The following GRK2 variants were observed in gnomAD, a reference collection of about 807,000 sequenced individuals.
The protein encoded by GRK2 is G protein-coupled receptor kinase 2, also known as adrenergic beta receptor kinase 1.
Under a neutral mutation model 97.8 loss-of-function variants are expected in GRK2, and 23 were observed. The ratio of observed to expected loss-of-function variants is 0.24; its 90% confidence interval spans 0.17 to 0.33. The LOEUF is 0.33. GRK2 is among the 10% of genes least tolerant of loss of function. GRK2 has a pLI of 1.00. For synonymous variants in GRK2, 425 were observed against 381.7 expected (o/e 1.11, Z -1.32); for missense variants, 633 against 956.9 (o/e 0.66, Z 4.47).
intron 1 of GRK2, 26 bp downstream of exon 1, chr11:67,266,838 G>C: frequency 8.6e-7 from 1 of 1,159,206 alleles, no homozygotes; most frequent in South Asian, 3.2e-5. Flanking sequence ...CCGCGGCCCC[G>C]GCCCGACCCC....
In GRK2 at chr11:67,266,737, A is replaced by C; in HGVS notation, c.38A>C (p.Tyr13Ser). 7.4e-7 allele frequency: 1 copy of C among 1,360,094 alleles called. No homozygotes were observed. Among genetic ancestry groups the C allele is most frequent in the East Asian group, 3.3e-5 (1 of 30,058 alleles). The allele number at this position is 1,360,094 out of a possible 1,614,324, so 84.3% of individuals were successfully genotyped here. The change falls in exon 1 of 21, where the codon TAC becomes TCC. Residue 13 changes from tyrosine to serine, a missense_variant. Coordinates refer to ENST00000308595, the MANE Select transcript of GRK2 (RefSeq NM_001619.5). ...GAGGCGGTGCTGGCCGACGTGAGCT[A>C]CCTGATGGCCATGGAGAAGAGCAAG... ...DLEAVLADVS[Y>S]LMAMEKSKAT...
Position 67,286,427 on chromosome 11 carries a change from C to G in GRK2, c.*977C>G, listed in dbSNP as rs765446129. The G allele has an allele frequency of 2.1e-5, 15 of 699,810 alleles. No individual in the cohort carries two copies. The highest frequency in any genetic ancestry group is 4.5e-5 in the South Asian group (3 of 67,366). 43.4% of individuals were successfully genotyped at this position (699,810 alleles called of 1,614,324 possible). On this transcript the variant is annotated 3_prime_UTR_variant, in exon 21 of 21. Transcript: ENST00000308595. ...CTGTGTGGTGTCGCGCCTTCTCCCC[C>G]CCGGGGCTGGGTTGGCGCACCCTCC...
chr11:67,285,659 G>A lies in GRK2; in HGVS notation c.*209G>A. On this transcript the variant is annotated 3_prime_UTR_variant, in exon 21 of 21. Transcript: ENST00000308595. The stretch of plus-strand genomic sequence containing the variant: ...CCGGCGCCCTCTGTCCTGACTTCAG[G>A]GGCTGCCCGCTCCCAGTGTCTTCCT... 3.4e-6 allele frequency: 2 copies of A among 581,026 alleles called. No individual in the cohort carries two copies. Among genetic ancestry groups the A allele is most frequent in the South Asian group, 4.9e-5 (2 of 41,088 alleles). The allele number at this position is 581,026 out of a possible 1,614,324, so 36.0% of individuals were successfully genotyped here.
At chr11:67,271,060 G>A (rs1307216567) in intron 1 of GRK2, 8 of 152,224 alleles carry the variant, frequency 5.3e-5, no homozygotes, top group African/African-American at 1.7e-4. Flanking sequence ...TGGGCTCCAC[G>A]CGCTTGGCTG....
rs1363599283 is a variant in GRK2 at position 67,276,411 on chromosome 11, G to A, written c.114-861G>A. 1 of 152,196 alleles carries A rather than the reference G, an allele frequency of 6.6e-6. No homozygotes were observed. Among genetic ancestry groups the A allele is most frequent in the African/African-American group, 2.4e-5 (1 of 41,398 alleles). The allele number at this position is 152,196 out of a possible 1,614,324, so 9.4% of individuals were successfully genotyped here. A position where few individuals can be genotyped will look rare whatever the true frequency, so the allele number is the denominator to read the frequency against. ...GTGTGGCGCTCCCAGACAGCACTCA[G>A]TGTGGGGTGAGATAAACAGGGTGGG... is the stretch of plus-strand genomic sequence containing the variant. On this transcript the variant is annotated intron_variant, in intron 1 of 20. Transcript: ENST00000308595. The surrounding 1 kb of genome is among the most constrained non-coding windows in gnomAD (Gnocchi z 4.2).
intron 6 of GRK2, 64 bp from the exon 7 acceptor site, chr11:67,280,668 C>G: frequency 1.3e-6 from 2 of 1,593,526 alleles, no homozygotes; most frequent in Middle Eastern, 1.7e-4. Flanking sequence ...GGTGGGGAGG[C>G]TCACGACAGC....
chr11:67,285,717 C>CA lies in GRK2; in HGVS notation c.*267_*268insA. Reference sequence around the variant, plus strand: ...AAGAGCACAGCCCTCCCGCCCCTTCCCCGAGGGATGATGCCACACCAAGCT... The same window carrying CA: ...AAGAGCACAGCCCTCCCGCCCCTTCCACCGAGGGATGATGCCACACCAAGCT... On this transcript the variant is annotated 3_prime_UTR_variant, in exon 21 of 21. Coordinates refer to ENST00000308595, the MANE Select transcript of GRK2 (RefSeq NM_001619.5). 2.0e-6 allele frequency: 1 copy of CA among 488,224 alleles called. No individual in the cohort carries two copies. 30.2% of individuals were successfully genotyped at this position (488,224 alleles called of 1,614,324 possible).
chr11:67,280,201 T>G, intron 6 of GRK2: 1 of 459,514 alleles, frequency 2.2e-6, no homozygotes. Context: ...TATAGCACCT[T>G]GCTGGCCCAC....
At chr11:67,275,863 G>T (rs187935905) in intron 1 of GRK2, among the ~76,000 whole-genome samples, 1 of 152,328 alleles carries the variant, frequency 6.6e-6, no homozygotes, top group Non-Finnish European at 1.5e-5. Flanking sequence ...TTCTGCACAC[G>T]CTGTCTGGTA....
chr11:67,285,262 CAG>C (rs1331102440), intron 20 of GRK2, 22 bp from the exon 21 acceptor site: 1 of 1,609,068 alleles, frequency 6.2e-7, no homozygotes, highest in Admixed American at 1.7e-5. Context: ...CCCCAGCTGA[CAG>C]AGCTGGGCTT....
intron 1 of GRK2, among the ~76,000 whole-genome samples, chr11:67,267,393 G>GGT (rs1052343023): frequency 1.3e-5 from 2 of 152,252 alleles, no homozygotes; most frequent in African/African-American, 4.8e-5. Flanking sequence ...CCCACCCTCT[G>GGT]GTGGGGTCGC....
chr11:67,280,117 ATCCCAGGCAGTC>A lies in GRK2; in HGVS notation c.503+221_503+232del. 6.9e-6 allele frequency: 4 copies of A among 583,742 alleles called. No individual in the cohort carries two copies. In the South Asian group the frequency reaches 7.9e-5, roughly 12 times the overall value. 36.2% of individuals were successfully genotyped at this position (583,742 alleles called of 1,614,324 possible). On this transcript the variant is annotated intron_variant, in intron 6 of 20. Coordinates refer to ENST00000308595, the MANE Select transcript of GRK2 (RefSeq NM_001619.5). ...CTCAGCACCAGGCAGCTCAAAGCCC[ATCCCAGGCAGTC>A]TCCTAGCTCCAGGGAGCTAGGAGAG...
At chr11:67,267,157 A>G (rs929582738) in intron 1 of GRK2, among the ~76,000 whole-genome samples, 1 of 150,414 alleles carries the variant, frequency 6.6e-6, no homozygotes, top group Non-Finnish European at 1.5e-5. Context: ...GCCTTCTCCC[A>G]CGGGGGCCCG....
Position 67,279,986 on chromosome 11 carries a change from G to A in GRK2, c.503+86G>A, listed in dbSNP as rs61763962. 171 of 1,364,276 alleles carry A rather than the reference G, an allele frequency of 1.3e-4. No homozygotes were observed. The African/African-American group carries it at 2.3e-3, about 18-fold the overall frequency. 84.5% of individuals were successfully genotyped at this position (1,364,276 alleles called of 1,614,324 possible). ...TGGCTGGCGTGGAGGGCAGAAGCCA[G>A]CCTTCATTAGGCCCTGAGCAGGCAG... On this transcript the variant is annotated intron_variant, in intron 6 of 20. Transcript: ENST00000308595.
chr11:67,273,727 G>A (rs7128315), intron 1 of GRK2, among the ~76,000 whole-genome samples: 13,154 of 152,188 alleles, frequency 0.086, 1,927 homozygotes, highest in African/African-American at 0.3. Context: ...GGAAGAAAGT[G>A]GAGTGCTGTG....
chr11:67,283,796 G>C (rs759398815), intron 16 of GRK2, 23 bp downstream of exon 16: 20 of 1,612,924 alleles, frequency 1.2e-5, no homozygotes, highest in Non-Finnish European at 1.7e-5. Context: ...GGCAGGGACT[G>C]GGGGTGCTCT....
At chr11:67,278,610 C>T (rs1860081388) in intron 2 of GRK2, among the ~76,000 whole-genome samples, 1 of 152,194 alleles carries the variant, frequency 6.6e-6, no homozygotes, top group African/African-American at 2.4e-5. Context: ...CCCTAGTTTC[C>T]CCAACTGGAC....
At chr11:67,268,028 C>T (rs890162100) in intron 1 of GRK2, among the ~76,000 whole-genome samples, 1 of 152,222 alleles carries the variant, frequency 6.6e-6, no homozygotes, top group African/African-American at 2.4e-5. Flanking sequence ...GAGAGTTGGC[C>T]TCCTCCTGGT....
intron 1 of GRK2, among the ~76,000 whole-genome samples, chr11:67,270,592 G>T (rs1859886314): frequency 6.6e-6 from 1 of 152,188 alleles, no homozygotes; most frequent in South Asian, 2.1e-4. Context: ...CTGAAACCCT[G>T]CTGCTTCCAG....
Sources: gnomAD v4.1 joint callset for allele counts (sites outside exome capture counted in the v4.1 genomes callset) on GRCh38, gnomAD v4.1.1 for gene constraint, Gnocchi (gnomAD v3.1) non-coding constraint, MANE v1.5 for transcripts, NCBI Gene and HGNC (gene_info 2026-07-23, HGNC 2026-07-21) for gene names.